SPAG9: variants seen among roughly 807,000 people sequenced by gnomAD.
The protein encoded by SPAG9 is C-Jun-amino-terminal kinase-interacting protein 4.
SPAG9 carries 35 observed loss-of-function variants against 166.5 expected under a neutral mutation model. That is an observed-to-expected ratio of 0.21 (90% CI 0.16 to 0.28). The LOEUF is 0.28. Among genes scored for constraint, SPAG9 ranks in the 10% least tolerant of loss-of-function variants. The pLI is 1.00. For synonymous variants in SPAG9, 534 were observed against 565.5 expected (o/e 0.94, Z 0.79); for missense variants, 1,235 against 1,603.3 (o/e 0.77, Z 3.92).
Position 51,092,770 on chromosome 17 carries a change from A to AAAAAAG in SPAG9, c.304-13072_304-13067dup, listed in dbSNP as rs56660212. Among the ~76,000 whole-genome samples, 201 of 151,270 alleles carry AAAAAAG rather than the reference A, an allele frequency of 1.3e-3. 1 individual carries two copies. Among genetic ancestry groups the AAAAAAG allele is most frequent in the African/African-American group, 4.3e-3 (178 of 41,268 alleles). On this transcript the variant is annotated intron_variant, in intron 1 of 29. Transcript: ENST00000262013. ...TCTCTACAAAAAAAAAAAAAAAAGA[A>AAAAAAG]AAAAAGAAAAAGAAAAATTTAGCTG... is the stretch of plus-strand genomic sequence containing the variant.
intron 3 of SPAG9, among the ~76,000 whole-genome samples, chr17:51,051,211 C>T (rs2144486779): frequency 6.6e-6 from 1 of 152,114 alleles, no homozygotes; most frequent in South Asian, 2.1e-4. Flanking sequence ...CTGGTTCAAG[C>T]GATTCTCCTG....
intron 29 of SPAG9, 30 bp downstream of exon 29, chr17:50,970,677 C>G: frequency 6.2e-7 from 1 of 1,606,508 alleles, no homozygotes; most frequent in Non-Finnish European, 8.5e-7. Context: ...GCACACAGTG[C>G]AAACTGAGCA....
intron 26 of SPAG9, among the ~76,000 whole-genome samples, chr17:50,977,626 G>C (rs966890973): frequency 6.6e-6 from 1 of 152,082 alleles, no homozygotes; most frequent in Admixed American, 6.6e-5. Flanking sequence ...AAACTGGCAG[G>C]GCACGGTGGC....
At chr17:51,086,275 C>T (rs184303136) in intron 1 of SPAG9, among the ~76,000 whole-genome samples, 1 of 151,968 alleles carries the variant, frequency 6.6e-6, no homozygotes, top group Admixed American at 6.6e-5. Flanking sequence ...CCACCACACC[C>T]GGCTGAAAAT....
intron 1 of SPAG9, among the ~76,000 whole-genome samples, chr17:51,092,628 G>T (rs1195474738): frequency 1.3e-5 from 2 of 151,798 alleles, no homozygotes; most frequent in East Asian, 3.9e-4. Context: ...TGAAAAATTG[G>T]TTTGGCCAGG....
At chr17:50,976,802 TTGGATAATGGTATAATAAGGCTTAAGAA>T (rs1386357746) in intron 27 of SPAG9, 2 of 229,196 alleles carry the variant, frequency 8.7e-6, no homozygotes, top group Non-Finnish European at 1.7e-5. Context: ...GGTAGTGTTT[TTGGATAATGGTATAATAAGGCTTAAGAA>T]AAATGGACTT....
chr17:50,995,409 A>G, intron 17 of SPAG9, 35 bp downstream of exon 17: 2 of 1,529,338 alleles, frequency 1.3e-6, no homozygotes, highest in Middle Eastern at 1.7e-4. Flanking sequence ...CCCAGAGTTT[A>G]GAAAACATCT....
chr17:51,087,506 T>C (rs56361287), intron 1 of SPAG9, among the ~76,000 whole-genome samples: 10,733 of 152,216 alleles, frequency 0.071, 405 homozygotes, highest in Non-Finnish European at 0.089. Context: ...GTAATGAGAA[T>C]AGTTTCTTTG....
chr17:51,116,486 G>A (rs1383554249), intron 1 of SPAG9, among the ~76,000 whole-genome samples: 1 of 152,140 alleles, frequency 6.6e-6, no homozygotes, highest in Non-Finnish European at 1.5e-5. Context: ...CTGGGCTGGG[G>A]CACAGTGGCT....
intron 29 of SPAG9, among the ~76,000 whole-genome samples, chr17:50,968,006 C>T (rs984613177): frequency 6.6e-6 from 1 of 152,134 alleles, no homozygotes; most frequent in Non-Finnish European, 1.5e-5. Flanking sequence ...TATTAACAAA[C>T]TCCTCAGTAC....
intron 1 of SPAG9, among the ~76,000 whole-genome samples, chr17:51,106,733 G>A (rs2048960984): frequency 6.6e-6 from 1 of 152,100 alleles, no homozygotes; most frequent in African/African-American, 2.4e-5. Flanking sequence ...GGAGGCGGAG[G>A]TTGCAGTGAT....
intron 6 of SPAG9, among the ~76,000 whole-genome samples, chr17:51,028,524 A>C (rs1056105863): frequency 1.3e-5 from 2 of 152,192 alleles, no homozygotes; most frequent in Admixed American, 6.5e-5. Flanking sequence ...ACTGCCTACA[A>C]TATTCAGTAC....
intron 2 of SPAG9, among the ~76,000 whole-genome samples, chr17:51,077,009 G>GCTAGCTAT (rs1555655257): frequency 4.6e-4 from 32 of 69,436 alleles, no homozygotes; most frequent in Non-Finnish European, 1.1e-3. Context: ...TATCTAGCTA[G>GCTAGCTAT]CTAGCTAGCT....
chr17:51,061,612 CAAAAAAAA>C (rs34010166), intron 2 of SPAG9, among the ~76,000 whole-genome samples: 84 of 31,732 alleles, frequency 2.6e-3, no homozygotes, highest in African/African-American at 8.3e-3. Context: ...GCTCTGTCTC[CAAAAAAAA>C]AAAAAAAAAA....
intron 3 of SPAG9, among the ~76,000 whole-genome samples, chr17:51,052,915 C>T (rs989207311): frequency 2.6e-5 from 4 of 151,612 alleles, no homozygotes; most frequent in South Asian, 2.1e-4. Flanking sequence ...AAAAATTAGC[C>T]GAGCGTGGTG....
At chr17:51,070,697 C>T (rs932574807) in intron 2 of SPAG9, among the ~76,000 whole-genome samples, 1 of 151,640 alleles carries the variant, frequency 6.6e-6, no homozygotes, top group African/African-American at 2.4e-5. Flanking sequence ...AAACGTGGAT[C>T]AAGAAAAAAA....
chr17:51,013,468 GCAAAGGCAACCA>G (rs1265954309), intron 9 of SPAG9, among the ~76,000 whole-genome samples: 1 of 152,106 alleles, frequency 6.6e-6, no homozygotes, highest in East Asian at 1.9e-4. Flanking sequence ...CTGTTGGTAG[GCAAAGGCAACCA>G]CAGACAATAA....
At chr17:51,083,551 A>ATTTAT (rs2048228075) in intron 1 of SPAG9, among the ~76,000 whole-genome samples, 2 of 100,866 alleles carry the variant, frequency 2.0e-5, no homozygotes, top group Admixed American at 1.8e-4. Context: ...TATTTTATTT[A>ATTTAT]TTTATTTATT....
chr17:51,072,390 A>C (rs752425454), intron 2 of SPAG9, among the ~76,000 whole-genome samples: 1 of 150,240 alleles, frequency 6.7e-6, no homozygotes, highest in African/African-American at 2.4e-5. Context: ...TATTTAAAAA[A>C]CAAAAAATCA....
Sources: gnomAD v4.1 joint callset for allele counts (sites outside exome capture counted in the v4.1 genomes callset) on GRCh38, gnomAD v4.1.1 for gene constraint, MANE v1.5 for transcripts, NCBI Gene and HGNC (gene_info 2026-07-23, HGNC 2026-07-21) for gene names.